Variants in NAALADL2 observed in about 807,000 individuals in gnomAD.
The protein encoded by NAALADL2 is inactive N-acetylated-alpha-linked acidic dipeptidase-like protein 2.
A neutral mutation model predicts 87.2 loss-of-function variants in NAALADL2; 76 were observed. The observed-to-expected ratio is 0.87, with a 90% confidence interval of 0.72 to 1.05. The LOEUF is 1.05. NAALADL2 is among the 50% of genes least tolerant of loss of function. NAALADL2 has a pLI of 0.00. For synonymous variants in NAALADL2, 354 were observed against 331.0 expected (o/e 1.07, Z -0.75); for missense variants, 1,089 against 945.8 (o/e 1.15, Z -1.99).
chr3:175,262,978 C>T (rs149518075), intron 4 of NAALADL2, among the ~76,000 whole-genome samples: 6 of 147,580 alleles, frequency 4.1e-5, no homozygotes, highest in African/African-American at 1.5e-4. Flanking sequence ...GCACTTCTTA[C>T]CTAATTCTCA....
intron 2 of NAALADL2, among the ~76,000 whole-genome samples, chr3:174,622,902 G>A (rs1280865482): frequency 6.6e-6 from 1 of 152,176 alleles, no homozygotes; most frequent in Admixed American, 6.5e-5. Flanking sequence ...AATTAGCCAG[G>A]CGTGGTGGCA....
At chr3:175,216,228 T>C (rs1742500600) in intron 2 of NAALADL2, among the ~76,000 whole-genome samples, 1 of 152,078 alleles carries the variant, frequency 6.6e-6, no homozygotes, top group Non-Finnish European at 1.5e-5. Flanking sequence ...GATTCCCCCT[T>C]CCCCTTGCCT....
At chr3:174,551,687 A>G (rs1478945751) in intron 2 of NAALADL2, among the ~76,000 whole-genome samples, 1 of 152,226 alleles carries the variant, frequency 6.6e-6, no homozygotes, top group Admixed American at 6.5e-5. Flanking sequence ...TAATATCCTA[A>G]TAAGGTAGTT....
intron 9 of NAALADL2, among the ~76,000 whole-genome samples, chr3:175,474,616 C>T (rs1725386817): frequency 6.6e-6 from 1 of 152,106 alleles, no homozygotes; most frequent in African/African-American, 2.4e-5. Flanking sequence ...ATGTATATAA[C>T]CATGTATACA....
At chr3:175,017,251 G>A (rs1041096629) in intron 1 of NAALADL2, among the ~76,000 whole-genome samples, 2 of 151,866 alleles carry the variant, frequency 1.3e-5, no homozygotes, top group Non-Finnish European at 2.9e-5. Flanking sequence ...GCCCTAGTGG[G>A]ATTAAACTAA....
At chr3:175,215,087 A>G (rs1221311119) in intron 2 of NAALADL2, among the ~76,000 whole-genome samples, 1 of 152,134 alleles carries the variant, frequency 6.6e-6, no homozygotes, top group Non-Finnish European at 1.5e-5. Context: ...ATCTACAAGT[A>G]GTAAAATCAC....
chr3:175,399,117 A>G (rs1335749806), intron 5 of NAALADL2, among the ~76,000 whole-genome samples: 9 of 152,224 alleles, frequency 5.9e-5, no homozygotes, highest in African/African-American at 7.2e-5. Context: ...AGTTAAAAAG[A>G]AAAAGATCAT....
intron 5 of NAALADL2, among the ~76,000 whole-genome samples, chr3:175,395,048 T>C (rs2149035154): frequency 6.6e-6 from 1 of 152,218 alleles, no homozygotes; most frequent in South Asian, 2.1e-4. Context: ...GACCTATTAC[T>C]AAGTAAAATA....
At chr3:174,454,588 C>T (rs1715703992) in intron 1 of NAALADL2, among the ~76,000 whole-genome samples, 1 of 152,132 alleles carries the variant, frequency 6.6e-6, no homozygotes. Flanking sequence ...AAGAAATTTG[C>T]TCAAAACCGT....
At chr3:175,625,021 G>C (rs968870143) in intron 10 of NAALADL2, among the ~76,000 whole-genome samples, 1 of 151,812 alleles carries the variant, frequency 6.6e-6, no homozygotes, top group Non-Finnish European at 1.5e-5. Context: ...TTGTATATTT[G>C]GGTAGAATTA....
At chr3:175,327,619 ATATCT>A (rs1254580279) in intron 5 of NAALADL2, among the ~76,000 whole-genome samples, 1 of 152,180 alleles carries the variant, frequency 6.6e-6, no homozygotes, top group Non-Finnish European at 1.5e-5. Context: ...CTTTTATATA[ATATCT>A]TAAGAAAGAA....
intron 9 of NAALADL2, among the ~76,000 whole-genome samples, chr3:175,510,327 C>A (rs1290722411): frequency 1.3e-5 from 2 of 152,058 alleles, no homozygotes. Context: ...AACTAAAATT[C>A]AAGATGAGAT....
chr3:174,565,299 C>T (rs1431885741), intron 2 of NAALADL2, among the ~76,000 whole-genome samples: 1 of 152,020 alleles, frequency 6.6e-6, no homozygotes, highest in Non-Finnish European at 1.5e-5. Flanking sequence ...TTTTGATGTC[C>T]TAAAAATCTC....
chr3:175,176,055 A>C (rs2108951504), intron 2 of NAALADL2, among the ~76,000 whole-genome samples: 1 of 152,262 alleles, frequency 6.6e-6, no homozygotes, highest in South Asian at 2.1e-4. Flanking sequence ...ATTTTTATAA[A>C]GCCCATTTTC....
intron 1 of NAALADL2, among the ~76,000 whole-genome samples, chr3:175,042,628 C>G (rs555586664): frequency 6.6e-6 from 1 of 152,270 alleles, no homozygotes; most frequent in African/African-American, 2.4e-5. Flanking sequence ...AATTGTCATT[C>G]TAATAGATGT....
intron 11 of NAALADL2, among the ~76,000 whole-genome samples, chr3:175,663,455 C>T (rs1732547841): frequency 6.6e-6 from 1 of 151,406 alleles, no homozygotes; most frequent in South Asian, 2.1e-4. Context: ...TTTTAGTTGT[C>T]CTTGCTAAGA....
intron 4 of NAALADL2, among the ~76,000 whole-genome samples, chr3:175,311,662 T>C (rs1244197591): frequency 2.1e-5 from 3 of 144,746 alleles, no homozygotes; most frequent in Non-Finnish European, 4.5e-5. Flanking sequence ...CTCCCTCCCT[T>C]CTTTCCTTCC....
chr3:174,689,201 C>T (rs941129331), intron 2 of NAALADL2, among the ~76,000 whole-genome samples: 1 of 151,962 alleles, frequency 6.6e-6, no homozygotes, highest in African/African-American at 2.4e-5. Context: ...TTTATATGCA[C>T]AGGGTATGAG....
At chr3:174,459,623 G>A (rs1716068719) in intron 1 of NAALADL2, 1 of 152,148 alleles carries the variant, frequency 6.6e-6, no homozygotes. Flanking sequence ...AATGGGGATA[G>A]AAATGCTGAT....
Sources: allele counts gnomAD v4.1 joint callset (sites outside exome capture counted in the v4.1 genomes callset), GRCh38; gene constraint gnomAD v4.1.1; transcripts MANE v1.5; gene names NCBI Gene and HGNC (gene_info 2026-07-23, HGNC 2026-07-21).